RIMS2: variants seen among roughly 807,000 people sequenced by gnomAD.
The protein encoded by RIMS2 is regulating synaptic membrane exocytosis 2, also known as regulating synaptic membrane exocytosis protein 2.
Under a neutral mutation model 174.4 loss-of-function variants are expected in RIMS2, and 59 were observed. The ratio of observed to expected loss-of-function variants is 0.34; its 90% CI spans 0.27 to 0.42. RIMS2 has a LOEUF of 0.42. Among genes scored for constraint, RIMS2 ranks in the 10% least tolerant of loss-of-function variants. The pLI, the probability that RIMS2 is intolerant of heterozygous loss-of-function variation, is 1.00. For synonymous variants in RIMS2, 606 were observed against 572.5 expected, an observed-to-expected ratio of 1.06 and a Z score of -0.84; for missense variants, 1,620 against 1,666.3, an observed-to-expected ratio of 0.97 and a Z score of 0.48.
At chr8:103,908,845 G>A (rs539527059) in intron 4 of RIMS2, among the ~76,000 whole-genome samples, 1 of 152,212 alleles carries the variant, frequency 6.6e-6, no homozygotes, top group African/African-American at 2.4e-5. Flanking sequence ...ATCAGATTAT[G>A]TCACCATTTC....
intron 1 of RIMS2, among the ~76,000 whole-genome samples, chr8:103,519,721 G>C (rs1003306039): frequency 7.1e-6 from 1 of 141,496 alleles, no homozygotes; most frequent in South Asian, 2.2e-4. Flanking sequence ...ACATGTTTTC[G>C]TGGCTTTACT....
At chr8:103,526,593 C>T (rs993998789) in intron 1 of RIMS2, among the ~76,000 whole-genome samples, 1 of 151,888 alleles carries the variant, frequency 6.6e-6, no homozygotes, top group Non-Finnish European at 1.5e-5. Context: ...TGGCAGAGCA[C>T]TATACATCAT....
At chr8:103,794,335 G>T (rs1044480478) in intron 3 of RIMS2, among the ~76,000 whole-genome samples, 7 of 152,126 alleles carry the variant, frequency 4.6e-5, no homozygotes, top group African/African-American at 1.4e-4. Context: ...AATGGGGAAA[G>T]AATTCCCTAT....
intron 4 of RIMS2, among the ~76,000 whole-genome samples, chr8:103,902,908 G>A (rs55880815): frequency 0.41 from 62,271 of 151,844 alleles, 13,455 homozygotes; most frequent in Non-Finnish European, 0.45. Context: ...AAATTACTCA[G>A]TGCCCTTTAA....
Position 103,668,961 on chromosome 8 carries a change from T to C in RIMS2, c.177-28125T>C, listed in dbSNP as rs566598831. On this transcript the variant is annotated intron_variant, in intron 1 of 23. Coordinates refer to ENST00000504942, the Ensembl canonical transcript of RIMS2. ...TATTCTCTTAAATACCAATTTTGTT[T>C]CTCCAAATTAAGTGTGTAGCATTGT... Among the ~76,000 whole-genome samples, 5 of 152,328 alleles carry C rather than the reference T, an allele frequency of 3.3e-5. No homozygotes were observed. The East Asian group carries it at 7.7e-4, about 24-fold the overall frequency.
chr8:103,869,478 C>T (rs926942474), intron 3 of RIMS2, among the ~76,000 whole-genome samples: 3 of 151,778 alleles, frequency 2.0e-5, no homozygotes, highest in Non-Finnish European at 4.4e-5. Context: ...ACTACAGGCA[C>T]CCACCACCAC....
chr8:104,001,369 G>A (rs1283656103), intron 17 of RIMS2, among the ~76,000 whole-genome samples: 1 of 151,830 alleles, frequency 6.6e-6, no homozygotes, highest in Non-Finnish European at 1.5e-5. Flanking sequence ...CAACTATTAT[G>A]TATCCATAAA....
At chr8:103,779,912 AAAAG>A (rs1034968955) in intron 3 of RIMS2, among the ~76,000 whole-genome samples, 4 of 152,070 alleles carry the variant, frequency 2.6e-5, no homozygotes, top group Admixed American at 6.6e-5. Flanking sequence ...TTAAAAAAAA[AAAAG>A]AAAGAAAGTG....
chr8:103,945,951 A>G (rs1333975105), intron 14 of RIMS2, among the ~76,000 whole-genome samples: 1 of 152,160 alleles, frequency 6.6e-6, no homozygotes, highest in East Asian at 1.9e-4. Flanking sequence ...TATCACTTCT[A>G]TTCAGCAGTG....
intron 3 of RIMS2, among the ~76,000 whole-genome samples, chr8:103,829,522 C>G (rs1282819119): frequency 6.6e-6 from 1 of 152,190 alleles, no homozygotes; most frequent in Admixed American, 6.5e-5. Context: ...ATGAAATATA[C>G]AGCCATAGAA....
chr8:103,676,459 A>T (rs996433327), intron 1 of RIMS2, among the ~76,000 whole-genome samples: 1 of 152,142 alleles, frequency 6.6e-6, no homozygotes, highest in Non-Finnish European at 1.5e-5. Context: ...TTTTATAAAC[A>T]CTTTATCCAG....
chr8:103,724,513 TA>T (rs1170725675), intron 2 of RIMS2, among the ~76,000 whole-genome samples: 1 of 152,178 alleles, frequency 6.6e-6, no homozygotes, highest in Non-Finnish European at 1.5e-5. Flanking sequence ...TCAGTCTTTT[TA>T]GCATTGGATT....
chr8:103,984,698 G>T (rs1028737172), intron 16 of RIMS2, among the ~76,000 whole-genome samples: 2 of 152,210 alleles, frequency 1.3e-5, no homozygotes, highest in African/African-American at 4.8e-5. Context: ...CCACTGGTGG[G>T]TATATACCCA....
At chr8:104,000,389 T>G (rs1358608203) in intron 17 of RIMS2, among the ~76,000 whole-genome samples, 15 of 151,772 alleles carry the variant, frequency 9.9e-5, no homozygotes, top group Admixed American at 7.9e-4. Flanking sequence ...ATACCTGATT[T>G]TATTCTTTCT....
intron 19 of RIMS2, among the ~76,000 whole-genome samples, chr8:104,086,000 GGA>G (rs1462664200): frequency 1.3e-5 from 2 of 152,078 alleles, no homozygotes; most frequent in African/African-American, 4.8e-5. Context: ...GGTAGACAAT[GGA>G]TTATATGATC....
chr8:103,553,642 A>T (rs914457490), intron 1 of RIMS2, among the ~76,000 whole-genome samples: 2 of 152,174 alleles, frequency 1.3e-5, no homozygotes, highest in Non-Finnish European at 2.9e-5. Flanking sequence ...CAATTTACAG[A>T]TTCAGTGCTA....
At chr8:103,867,863 A>C (rs2154507727) in intron 3 of RIMS2, among the ~76,000 whole-genome samples, 1 of 152,174 alleles carries the variant, frequency 6.6e-6, no homozygotes, top group African/African-American at 2.4e-5. Context: ...TATTTGCTTT[A>C]GTTGGTATAA....
chr8:103,930,638 C>T (rs1288324031), intron 11 of RIMS2, among the ~76,000 whole-genome samples: 3 of 151,880 alleles, frequency 2.0e-5, no homozygotes, highest in African/African-American at 7.3e-5. Flanking sequence ...CTCTTTTATC[C>T]TAAGGATATT....
At chr8:103,672,269 A>T (rs1050680424) in intron 1 of RIMS2, among the ~76,000 whole-genome samples, 6 of 152,062 alleles carry the variant, frequency 3.9e-5, no homozygotes, top group Non-Finnish European at 8.8e-5. Flanking sequence ...TCTCTTATTA[A>T]TATTATATGC....
Sources: allele counts gnomAD v4.1 joint callset (sites outside exome capture counted in the v4.1 genomes callset), GRCh38; gene constraint gnomAD v4.1.1; transcripts MANE v1.5; gene names NCBI Gene and HGNC (gene_info 2026-07-23, HGNC 2026-07-21).